Variants in SLC28A1 observed in about 807,000 individuals in gnomAD.
The protein encoded by SLC28A1 is solute carrier family 28 member 1.
SLC28A1 carries 64 observed loss-of-function variants against 74.8 expected under a neutral mutation model. That is an observed-to-expected ratio of 0.86 (90% confidence interval 0.70 to 1.05). The LOEUF (loss-of-function observed/expected upper bound fraction) is 1.05. Ranked by LOEUF, SLC28A1 falls within the 50% of genes least tolerant of loss-of-function variation. The pLI, the probability that SLC28A1 is intolerant of heterozygous loss-of-function variation, is 0.00. For missense variants in SLC28A1, 828 were observed against 822.8 expected, an observed-to-expected ratio of 1.01 and a Z score of -0.08; for synonymous variants, 359 against 335.0, an observed-to-expected ratio of 1.07 and a Z score of -0.78.
chr15:84,952,675 C>T, the SLC28A1 span, among the ~76,000 whole-genome samples: 7 of 152,092 alleles, frequency 4.6e-5, no homozygotes, highest in African/African-American at 1.7e-4. Context: ...CGCTTGAGCC[C>T]GGGAGTTTGA....
chr15:84,911,106 C>T (rs578069889), intron 9 of SLC28A1, among the ~76,000 whole-genome samples: 1 of 152,328 alleles, frequency 6.6e-6, no homozygotes, highest in East Asian at 1.9e-4. Context: ...GCGGGCCACG[C>T]AGCTGCTGTC....
At chr15:84,943,910 A>G (rs1190724586) in intron 16 of SLC28A1, among the ~76,000 whole-genome samples, 8 of 152,092 alleles carry the variant, frequency 5.3e-5, no homozygotes, top group Admixed American at 1.3e-4. Flanking sequence ...TCTCAAAAAA[A>G]AAAAAAGAAA....
chr15:84,961,611 G>T, the SLC28A1 span: 31 of 417,976 alleles, frequency 7.4e-5, no homozygotes, highest in East Asian at 2.3e-3. Flanking sequence ...AAAGTGCTGG[G>T]ATTACAGGTA....
chr15:84,885,379 C>T (rs1328058279), intron 1 of SLC28A1, among the ~76,000 whole-genome samples: 1 of 151,652 alleles, frequency 6.6e-6, no homozygotes, highest in Non-Finnish European at 1.5e-5. Flanking sequence ...AACACTGTTA[C>T]TGTGTGATCC....
At chr15:84,959,800 TG>T in the SLC28A1 span, among the ~76,000 whole-genome samples, 1 of 152,224 alleles carries the variant, frequency 6.6e-6, no homozygotes, top group Admixed American at 6.5e-5. Context: ...CATTCCTTTT[TG>T]TTTTGTTTGT....
chr15:84,933,417 T>C (rs890715488), intron 13 of SLC28A1, 142 bp downstream of exon 13: 1 of 987,488 alleles, frequency 1.0e-6, no homozygotes, highest in South Asian at 1.4e-5. Flanking sequence ...GGTTTGGGCT[T>C]CATTTGCTGT....
At chr15:84,925,909 A>G (rs537372604) in intron 12 of SLC28A1, among the ~76,000 whole-genome samples, 2 of 152,122 alleles carry the variant, frequency 1.3e-5, no homozygotes, top group African/African-American at 4.8e-5. Context: ...AGTGATATGA[A>G]ACCCTTTACG....
At chr15:84,908,953 C>G (rs1967729947) in intron 9 of SLC28A1, among the ~76,000 whole-genome samples, 158 bp downstream of exon 9, 1 of 152,060 alleles carries the variant, frequency 6.6e-6, no homozygotes, top group African/African-American at 2.4e-5. Context: ...AGCCTGGGGC[C>G]CGGGAGGAGC....
At chr15:84,898,318 C>A (rs1331176513) in intron 6 of SLC28A1, among the ~76,000 whole-genome samples, 1 of 152,156 alleles carries the variant, frequency 6.6e-6, no homozygotes, top group African/African-American at 2.4e-5. Flanking sequence ...GTGGCTCACG[C>A]CTGTAATCCC....
intron 3 of SLC28A1, among the ~76,000 whole-genome samples, chr15:84,888,127 G>T (rs1964820200): frequency 6.6e-6 from 1 of 152,160 alleles, no homozygotes; most frequent in African/African-American, 2.4e-5. Context: ...GGCAGGGCAG[G>T]CCCCAGTGAG....
the SLC28A1 span, among the ~76,000 whole-genome samples, chr15:84,963,205 C>T: frequency 1.3e-5 from 2 of 152,158 alleles, no homozygotes; most frequent in Non-Finnish European, 2.9e-5. Flanking sequence ...CAAACCACTC[C>T]AGCCTTGCAA....
chr15:84,928,851 C>T (rs1007937759), intron 12 of SLC28A1, among the ~76,000 whole-genome samples: 6 of 151,684 alleles, frequency 4.0e-5, no homozygotes, highest in Non-Finnish European at 8.8e-5. Context: ...TTGAACTCCT[C>T]ACCTCAGGTG....
At chr15:84,887,640 G>A in intron 2 of SLC28A1, 105 bp from the exon 3 acceptor site, 2 of 1,549,026 alleles carry the variant, frequency 1.3e-6, no homozygotes, top group East Asian at 2.4e-5. Flanking sequence ...GCTGTGCCAG[G>A]CATCTGCTCC....
intron 12 of SLC28A1, among the ~76,000 whole-genome samples, chr15:84,929,004 C>A (rs914355456): frequency 6.6e-6 from 1 of 152,104 alleles, no homozygotes; most frequent in African/African-American, 2.4e-5. Context: ...TTGCTAATAT[C>A]TGGATATTTC....
At chr15:84,962,070 T>TGA in the SLC28A1 span, among the ~76,000 whole-genome samples, 1 of 152,128 alleles carries the variant, frequency 6.6e-6, no homozygotes, top group Non-Finnish European at 1.5e-5. Context: ...TAAATTTTTT[T>TGA]TTAAATTTCT....
chr15:84,952,905 T>C, the SLC28A1 span, among the ~76,000 whole-genome samples: 1 of 152,162 alleles, frequency 6.6e-6, no homozygotes, highest in Admixed American at 6.6e-5. Flanking sequence ...GAAAAGTTAT[T>C]TAAAGATAGA....
intron 9 of SLC28A1, among the ~76,000 whole-genome samples, chr15:84,915,425 G>C (rs964789301): frequency 1.3e-5 from 2 of 152,166 alleles, no homozygotes; most frequent in Non-Finnish European, 2.9e-5. Flanking sequence ...CCTAAATTTG[G>C]TTGCTCAAGA....
the SLC28A1 span, among the ~76,000 whole-genome samples, chr15:84,958,473 A>G: frequency 6.6e-6 from 1 of 152,164 alleles, no homozygotes; most frequent in African/African-American, 2.4e-5. Flanking sequence ...AAATGTCTTT[A>G]TTCTACCATC....
intron 16 of SLC28A1, among the ~76,000 whole-genome samples, chr15:84,944,107 G>C (rs1166679780): frequency 2.0e-5 from 3 of 152,168 alleles, no homozygotes; most frequent in African/African-American, 7.2e-5. Flanking sequence ...GGACAGGCAG[G>C]CAGGCCTGGT....
Sources: allele counts gnomAD v4.1 joint callset (sites outside exome capture counted in the v4.1 genomes callset), GRCh38; gene constraint gnomAD v4.1.1; transcripts MANE v1.5; gene names NCBI Gene and HGNC (gene_info 2026-07-23, HGNC 2026-07-21).